The following DGKI variants were observed in gnomAD, a reference collection of about 807,000 sequenced individuals.
The protein encoded by DGKI is diacylglycerol kinase iota.
DGKI carries 55 observed loss-of-function variants against 147.5 expected under a neutral mutation model. That is an observed-to-expected ratio of 0.37 (90% CI 0.30 to 0.47). DGKI has a LOEUF of 0.47. Among genes scored for constraint, DGKI ranks in the 20% least tolerant of loss-of-function variants. DGKI has a pLI of 1.00. For missense variants in DGKI, 1,007 were observed against 1,323.8 expected, an observed-to-expected ratio of 0.76 and a Z score of 3.71; for synonymous variants, 469 against 477.1, an observed-to-expected ratio of 0.98 and a Z score of 0.22.
intron 1 of DGKI, among the ~76,000 whole-genome samples, chr7:137,712,802 T>A (rs544385190): frequency 6.6e-6 from 1 of 152,230 alleles, no homozygotes; most frequent in Non-Finnish European, 1.5e-5. Flanking sequence ...GTTAGCTGTA[T>A]GATAGACAAT....
chr7:137,506,911 G>C lies in DGKI; in HGVS notation c.2248+14955C>G, dbSNP rs143097447. On this transcript the variant is annotated intron_variant, in intron 21 of 32. Transcript: ENST00000614521. ...ATATGGGAGGATGTAAAGACAAGTG[G>C]GATCTTTCTTTTTACCTCATTAGTT... Among the ~76,000 whole-genome samples, 19 of 152,236 alleles carry C rather than the reference G, an allele frequency of 1.2e-4. 1 individual carries two copies. The East Asian group carries it at 3.5e-3, about 28-fold the overall frequency.
chr7:137,745,454 C>G (rs775399373), intron 1 of DGKI, among the ~76,000 whole-genome samples: 10 of 152,198 alleles, frequency 6.6e-5, no homozygotes, highest in Non-Finnish European at 1.3e-4. Context: ...CAGAAATAAA[C>G]AGCAAGTTTT....
At chr7:137,423,629 A>G (rs1812666890) in intron 28 of DGKI, among the ~76,000 whole-genome samples, 1 of 152,250 alleles carries the variant, frequency 6.6e-6, no homozygotes, top group Non-Finnish European at 1.5e-5. Context: ...CTTCTCAGTG[A>G]CTAGCAGCAA....
chr7:137,579,162 T>C (rs1364069351), intron 15 of DGKI, among the ~76,000 whole-genome samples: 1 of 152,154 alleles, frequency 6.6e-6, no homozygotes, highest in African/African-American at 2.4e-5. Flanking sequence ...TTTTTCACAA[T>C]GGCTTTCATG....
intron 3 of DGKI, among the ~76,000 whole-genome samples, chr7:137,656,998 A>G (rs895976532): frequency 6.6e-6 from 1 of 152,200 alleles, no homozygotes; most frequent in African/African-American, 2.4e-5. Flanking sequence ...CCCTATTGCC[A>G]AAGAGTCTAG....
intron 8 of DGKI, among the ~76,000 whole-genome samples, chr7:137,618,151 A>ATATATATATATATATATATTT: frequency 8.6e-4 from 9 of 10,462 alleles, no homozygotes; most frequent in African/African-American, 1.0e-3. Flanking sequence ...ATATATATAT[A>ATATATATATATATATATATTT]TTTTTTTTTT....
At chr7:137,640,956 AT>A (rs2129006506) in intron 6 of DGKI, among the ~76,000 whole-genome samples, 1 of 152,324 alleles carries the variant, frequency 6.6e-6, no homozygotes, top group East Asian at 1.9e-4. Flanking sequence ...GGGAACTGAT[AT>A]GGTTTGGCTG....
At chr7:137,478,716 A>G (rs1166674954) in intron 23 of DGKI, among the ~76,000 whole-genome samples, 1 of 152,192 alleles carries the variant, frequency 6.6e-6, no homozygotes, top group East Asian at 1.9e-4. Context: ...AATAGGAAGT[A>G]AGAAAAACTA....
chr7:137,671,957 C>T (rs1443856188), intron 3 of DGKI, among the ~76,000 whole-genome samples: 1 of 152,188 alleles, frequency 6.6e-6, no homozygotes, highest in Non-Finnish European at 1.5e-5. Context: ...GTGGCATGCT[C>T]ACATTTAAAA....
chr7:137,425,110 AC>A (rs1563010861), intron 28 of DGKI, among the ~76,000 whole-genome samples: 3 of 147,590 alleles, frequency 2.0e-5, no homozygotes, highest in African/African-American at 8.1e-5. Flanking sequence ...CTGACCCCTG[AC>A]CCCTGACCCC....
Position 137,657,017 on chromosome 7 carries a change from G to A in DGKI, c.607-477C>T, listed in dbSNP as rs184393891. Among the ~76,000 whole-genome samples, 11 of 152,186 alleles carry A rather than the reference G, an allele frequency of 7.2e-5. No homozygotes were observed. The East Asian group carries it at 1.9e-3, about 27-fold the overall frequency. On this transcript the variant is annotated intron_variant, in intron 3 of 32. Coordinates refer to ENST00000614521, the MANE Select transcript of DGKI (RefSeq NM_001321708.2). The stretch of plus-strand genomic sequence containing the variant: ...ATTGCCAAAGAGTCTAGATTTCCAG[G>A]GGCCAGTCATTTTAGGCTTCTATCC...
intron 19 of DGKI, among the ~76,000 whole-genome samples, chr7:137,562,511 G>T (rs1038921942): frequency 4.6e-5 from 7 of 151,984 alleles, no homozygotes; most frequent in African/African-American, 1.7e-4. Flanking sequence ...CTCCAGTCTG[G>T]GCAACAAGAG....
chr7:137,550,420 G>A (rs1406572963), intron 20 of DGKI, among the ~76,000 whole-genome samples: 3 of 151,996 alleles, frequency 2.0e-5, no homozygotes, highest in Admixed American at 1.3e-4. Flanking sequence ...AAGTGATCTG[G>A]CCATCTTGGC....
intron 1 of DGKI, among the ~76,000 whole-genome samples, chr7:137,789,141 T>C (rs1185614447): frequency 6.6e-6 from 1 of 152,088 alleles, no homozygotes; most frequent in African/African-American, 2.4e-5. Flanking sequence ...AAAGAGTAGG[T>C]AGAAAACTGG....
In DGKI at chr7:137,545,749, T is replaced by C. The variant is rs1319843265; in HGVS notation, c.2147+6620A>G. On this transcript the variant is annotated intron_variant, in intron 20 of 32. Coordinates refer to ENST00000614521, the MANE Select transcript of DGKI (RefSeq NM_001321708.2). Reference sequence around the variant, plus strand: ...AACATGAAAAACTTCACAGCTCCATTTCAAATCAAAGAGGGCAACAGAAAG... The same window carrying C: ...AACATGAAAAACTTCACAGCTCCATCTCAAATCAAAGAGGGCAACAGAAAG... 5.0e-5 allele frequency: 24 copies of C among 476,258 alleles called. 1 individual carries two copies. Among genetic ancestry groups the C allele is most frequent in the Non-Finnish European group, 2.6e-5 (7 of 267,508 alleles). 29.5% of individuals were successfully genotyped at this position (476,258 alleles called of 1,614,324 possible). A position where few individuals can be genotyped will look rare whatever the true frequency, so the allele number is the denominator to read the frequency against.
intron 1 of DGKI, among the ~76,000 whole-genome samples, chr7:137,788,427 C>T (rs1796738798): frequency 6.6e-6 from 1 of 152,116 alleles, no homozygotes; most frequent in Non-Finnish European, 1.5e-5. Flanking sequence ...ATTGCTCCTC[C>T]TTCTGAACTT....
chr7:137,666,535 G>A (rs1433252938), intron 3 of DGKI, among the ~76,000 whole-genome samples: 1 of 152,178 alleles, frequency 6.6e-6, no homozygotes. Context: ...TTACAATTCA[G>A]GCACAGTTAT....
intron 5 of DGKI, among the ~76,000 whole-genome samples, chr7:137,646,661 C>T (rs1821836798): frequency 6.6e-6 from 1 of 152,168 alleles, no homozygotes; most frequent in African/African-American, 2.4e-5. Flanking sequence ...GGAAAACACA[C>T]TTTATCTAAT....
chr7:137,578,980 T>C (rs949201873), intron 15 of DGKI, among the ~76,000 whole-genome samples: 1 of 152,226 alleles, frequency 6.6e-6, no homozygotes, highest in African/African-American at 2.4e-5. Context: ...TGATGGGCTA[T>C]ATTTACATCT....
Sources: gnomAD v4.1 joint callset for allele counts (sites outside exome capture counted in the v4.1 genomes callset) on GRCh38, gnomAD v4.1.1 for gene constraint, MANE v1.5 for transcripts, NCBI Gene and HGNC (gene_info 2026-07-23, HGNC 2026-07-21) for gene names.